Variants in PTPRN2 observed in about 807,000 individuals in gnomAD.
The protein encoded by PTPRN2 is receptor-type tyrosine-protein phosphatase N2.
Under a neutral mutation model 118.8 loss-of-function variants are expected in PTPRN2, and 74 were observed. That is an observed-to-expected ratio of 0.62 (90% CI 0.52 to 0.76). The LOEUF (loss-of-function observed/expected upper bound fraction) is 0.76. Among genes scored for constraint, PTPRN2 ranks in the 30% least tolerant of loss-of-function variants. PTPRN2 has a pLI of 0.00. For synonymous variants in PTPRN2, 641 were observed against 608.0 expected (o/e 1.05, Z -0.80); for missense variants, 1,481 against 1,394.4 (o/e 1.06, Z -0.99).
rs1351289129 is a variant in PTPRN2 at position 157,868,926 on chromosome 7, T to G, written c.1788+29747A>C. On this transcript the variant is annotated intron_variant, in intron 12 of 22. Transcript: ENST00000389418. The surrounding 1 kb of genome is among the most constrained non-coding windows in gnomAD (Gnocchi z 5.2). ...TGGTGAGGCCAGGCCTCCCGCGCCCTCCATCTTTCTGCCACCACAGTCGTT... is the reference window on the plus strand; with the variant it reads ...TGGTGAGGCCAGGCCTCCCGCGCCCGCCATCTTTCTGCCACCACAGTCGTT... The G allele has an allele frequency of 2.6e-5, 4 of 152,174 alleles. No homozygotes were observed. Among genetic ancestry groups the G allele is most frequent in the Non-Finnish European group, 5.9e-5 (4 of 68,042 alleles). The allele number at this position is 152,174 out of a possible 1,614,324, so 9.4% of individuals were successfully genotyped here. A position where few individuals can be genotyped will look rare whatever the true frequency, so the allele number is the denominator to read the frequency against.
chr7:158,545,013 C>G (rs1388447868), intron 1 of PTPRN2, among the ~76,000 whole-genome samples: 1 of 152,240 alleles, frequency 6.6e-6, no homozygotes, highest in African/African-American at 2.4e-5. Context: ...CCCAGGCCCC[C>G]TCTGGAAGCT....
chr7:158,278,753 C>T (rs1191058524), intron 3 of PTPRN2, among the ~76,000 whole-genome samples: 2 of 152,208 alleles, frequency 1.3e-5, no homozygotes, highest in African/African-American at 4.8e-5. Context: ...GGTTCATGGT[C>T]TCCCTGACTT....
rs1803305639 is a variant in PTPRN2, at chr7:157,622,354, G to C, written c.2197-845C>G. 6.6e-6 allele frequency among the ~76,000 whole-genome samples: 1 copy of C among 152,044 alleles called. No homozygotes were observed. Among genetic ancestry groups the C allele is most frequent in the South Asian group, 2.1e-4 (1 of 4,822 alleles). On this transcript the variant is annotated intron_variant, in intron 14 of 22. Transcript: ENST00000389418. The surrounding 1 kb of genome is among the most constrained non-coding windows in gnomAD (Gnocchi z 5.3). ...AAATAAAGCATGCATGTGTACACAT[G>C]GTCCTTTGCTGCAAAGCGGCCACGC...
At chr7:157,656,749 CG>C (rs1188378743) in intron 13 of PTPRN2, among the ~76,000 whole-genome samples, 198 bp from the exon 14 acceptor site, 1 of 152,052 alleles carries the variant, frequency 6.6e-6, no homozygotes, top group Non-Finnish European at 1.5e-5. Context: ...CACGGTGACC[CG>C]AGAAGACTTC....
At chr7:157,620,885 C>CG (rs1406819077) in intron 15 of PTPRN2, among the ~76,000 whole-genome samples, 1 of 149,308 alleles carries the variant, frequency 6.7e-6, no homozygotes, top group African/African-American at 2.5e-5. Flanking sequence ...CCAGGCCTCC[C>CG]TCCCCGGGGA....
chr7:158,330,948 G>C (rs1165652112), intron 2 of PTPRN2, among the ~76,000 whole-genome samples: 1 of 110,438 alleles, frequency 9.1e-6, no homozygotes, highest in African/African-American at 3.5e-5. Flanking sequence ...CACGATAAGA[G>C]CTGTCACACG....
At chr7:157,754,840 G>A (rs1406543683) in intron 12 of PTPRN2, among the ~76,000 whole-genome samples, 1 of 152,234 alleles carries the variant, frequency 6.6e-6, no homozygotes, top group African/African-American at 2.4e-5. Flanking sequence ...TGAACACTCT[G>A]CAGCGGGGTG....
intron 15 of PTPRN2, among the ~76,000 whole-genome samples, chr7:157,608,057 G>C (rs7782157): frequency 0.24 from 35,986 of 152,038 alleles, 5,295 homozygotes; most frequent in East Asian, 0.45. Context: ...TATTGCTTTT[G>C]AAATTACCAG....
intron 14 of PTPRN2, among the ~76,000 whole-genome samples, chr7:157,628,110 G>A (rs1486991006): frequency 1.3e-5 from 2 of 152,176 alleles, no homozygotes; most frequent in East Asian, 3.8e-4. Flanking sequence ...CTGCTAGACG[G>A]GTTTTGGAGG....
intron 3 of PTPRN2, among the ~76,000 whole-genome samples, chr7:158,222,799 CAAATA>C (rs1449527230): frequency 6.6e-6 from 1 of 151,370 alleles, no homozygotes. Flanking sequence ...ACAATAAACC[CAAATA>C]AAGTAGAAGA....
At chr7:158,505,888 C>A (rs1035542570) in intron 1 of PTPRN2, among the ~76,000 whole-genome samples, 2 of 152,214 alleles carry the variant, frequency 1.3e-5, no homozygotes, top group Admixed American at 1.3e-4. Flanking sequence ...ATCCAGTAAT[C>A]CCAAGTGGTG....
intron 9 of PTPRN2, among the ~76,000 whole-genome samples, chr7:158,114,770 C>T (rs921172807): frequency 6.6e-6 from 1 of 152,120 alleles, no homozygotes; most frequent in Non-Finnish European, 1.5e-5. Context: ...AGAAGGGTCC[C>T]CAAGAACTAC....
At chr7:157,620,050 A>G (rs1314124198) in intron 15 of PTPRN2, among the ~76,000 whole-genome samples, 2 of 152,162 alleles carry the variant, frequency 1.3e-5, no homozygotes, top group African/African-American at 4.8e-5. Flanking sequence ...AGACATGCGC[A>G]AGGGCCTTGT....
intron 2 of PTPRN2, among the ~76,000 whole-genome samples, chr7:158,345,489 C>T (rs538963448): frequency 9.9e-5 from 15 of 152,206 alleles, no homozygotes; most frequent in Non-Finnish European, 1.8e-4. Flanking sequence ...CAAAGGCCAC[C>T]GGTTTTGGAA....
intron 3 of PTPRN2, among the ~76,000 whole-genome samples, chr7:158,261,959 G>A (rs1419671321): frequency 1.8e-4 from 28 of 152,316 alleles, no homozygotes; most frequent in Non-Finnish European, 1.3e-4. Flanking sequence ...TGGCTGCGCC[G>A]TACTTCTGCC....
chr7:157,633,910 G>C (rs1017694294), intron 14 of PTPRN2, among the ~76,000 whole-genome samples: 2 of 152,212 alleles, frequency 1.3e-5, no homozygotes, highest in Non-Finnish European at 2.9e-5. Flanking sequence ...GTTGATGGTG[G>C]CGCTTTTGGA....
chr7:158,272,597 C>T (rs1798588986), intron 3 of PTPRN2, among the ~76,000 whole-genome samples: 2 of 152,220 alleles, frequency 1.3e-5, no homozygotes, highest in Admixed American at 6.5e-5. Flanking sequence ...ACCTGCCTTG[C>T]ACCCCAGACA....
rs1302052543 is a variant in PTPRN2, at chr7:157,727,618, C to CA, written c.1789-44682dup. On this transcript the variant is annotated intron_variant, in intron 12 of 22. Coordinates refer to ENST00000389418, the MANE Select transcript of PTPRN2 (RefSeq NM_002847.5). ...GAAATGGGTGGTGGAGATGCTCGCA[C>CA]AACGTTGTGAACACATACAATGCTA... is the stretch of plus-strand genomic sequence containing the variant. Among the ~76,000 whole-genome samples the CA allele has an allele frequency of 4.6e-5, 7 of 152,314 alleles. 1 individual carries two copies. In the South Asian group the frequency reaches 1.5e-3, roughly 32 times the overall value.
At chr7:158,161,229 T>A (rs1822329687) in intron 6 of PTPRN2, among the ~76,000 whole-genome samples, 1 of 152,118 alleles carries the variant, frequency 6.6e-6, no homozygotes, top group South Asian at 2.1e-4. Flanking sequence ...TATTCTAAAG[T>A]TTATATGTAG....
Sources: allele counts gnomAD v4.1 joint callset (sites outside exome capture counted in the v4.1 genomes callset), GRCh38; gene constraint gnomAD v4.1.1; non-coding constraint Gnocchi (gnomAD v3.1); transcripts MANE v1.5; gene names NCBI Gene and HGNC (gene_info 2026-07-23, HGNC 2026-07-21).